Variants in GABRR2 observed in about 807,000 individuals in gnomAD.
The protein encoded by GABRR2 is gamma-aminobutyric acid type A receptor subunit rho2, also known as gamma-aminobutyric acid receptor subunit rho-2.
Under a neutral mutation model 47.0 loss-of-function variants are expected in GABRR2, and 36 were observed. The observed-to-expected ratio is 0.77, with a 90% CI of 0.59 to 1.01. GABRR2 has a LOEUF of 1.01. Ranked by LOEUF, GABRR2 falls within the 50% of genes least tolerant of loss-of-function variation. GABRR2 has a pLI of 0.00. For missense variants in GABRR2, 587 were observed against 594.6 expected, an observed-to-expected ratio of 0.99 and a Z score of 0.13; for synonymous variants, 204 against 227.5, an observed-to-expected ratio of 0.90 and a Z score of 0.93.
At chr6:89,303,312 GTC>G (rs1184334262) in intron 1 of GABRR2, among the ~76,000 whole-genome samples, 1 of 152,030 alleles carries the variant, frequency 6.6e-6, no homozygotes, top group Non-Finnish European at 1.5e-5. Context: ...TGCTGCTCCT[GTC>G]TCTGTCTTAT....
intron 1 of GABRR2, among the ~76,000 whole-genome samples, chr6:89,306,385 G>A (rs1767560174): frequency 6.6e-6 from 1 of 152,108 alleles, no homozygotes; most frequent in Non-Finnish European, 1.5e-5. Flanking sequence ...TTCTCGTGAT[G>A]TTATAAGAAT....
intron 1 of GABRR2, 105 bp downstream of exon 1, chr6:89,314,948 G>T: frequency 1.1e-6 from 1 of 942,514 alleles, no homozygotes; most frequent in Non-Finnish European, 1.6e-6. Flanking sequence ...TTCTCATAGG[G>T]CGATATCTCA....
chr6:89,303,469 C>T (rs368080872), intron 1 of GABRR2, among the ~76,000 whole-genome samples: 1 of 151,818 alleles, frequency 6.6e-6, no homozygotes, highest in South Asian at 2.1e-4. Context: ...ACATTTCATG[C>T]TCATGGATAG....
At chr6:89,313,349 G>A (rs2127853134) in intron 1 of GABRR2, among the ~76,000 whole-genome samples, 1 of 152,278 alleles carries the variant, frequency 6.6e-6, no homozygotes, top group South Asian at 2.1e-4. Context: ...GCATAACAAA[G>A]GTTCTAAAAG....
intron 2 of GABRR2, among the ~76,000 whole-genome samples, chr6:89,273,529 C>G (rs545212352): frequency 2.0e-5 from 3 of 152,232 alleles, no homozygotes; most frequent in Non-Finnish European, 4.4e-5. Context: ...GCCACCGCAC[C>G]GGCCTGCATT....
intron 1 of GABRR2, among the ~76,000 whole-genome samples, chr6:89,314,092 T>C (rs12193280): frequency 0.2 from 29,991 of 151,444 alleles, 3,035 homozygotes; most frequent in Middle Eastern, 0.28. Context: ...AGCACATGTA[T>C]GTGATTTGTA....
intron 1 of GABRR2, among the ~76,000 whole-genome samples, chr6:89,300,807 T>C (rs1339166695): frequency 7.0e-6 from 1 of 143,460 alleles, no homozygotes; most frequent in Non-Finnish European, 1.5e-5. Flanking sequence ...TTCTACCAGA[T>C]GTACAAAGAA....
Position 89,264,471 on chromosome 6 carries a change from C to A in GABRR2, c.1027G>T (p.Ala343Ser). 1 of 1,613,958 alleles carries A rather than the reference C, an allele frequency of 6.2e-7. No homozygotes were observed. The highest frequency in any genetic ancestry group is 8.5e-7 in the Non-Finnish European group (1 of 1,179,986). Residue 343 changes from alanine to serine, a missense_variant, in exon 8 of 9, where the codon GCG becomes TCG. Coordinates refer to ENST00000402938, the MANE Select transcript of GABRR2 (RefSeq NM_002043.5). ...ACGGTGGTCAGGTAGTTGACAGCCG[C>A]ATACTCCAGCACCGAGAGGAACACG... ...VFVFLSVLEY[A>S]AVNYLTTVQE...
intron 1 of GABRR2, among the ~76,000 whole-genome samples, chr6:89,310,302 G>C (rs1037123246): frequency 6.6e-6 from 1 of 152,134 alleles, no homozygotes; most frequent in Non-Finnish European, 1.5e-5. Flanking sequence ...TCCTACAGGT[G>C]CTCTTGCTGA....
chr6:89,300,981 A>C (rs1767413784), intron 1 of GABRR2, among the ~76,000 whole-genome samples: 1 of 152,200 alleles, frequency 6.6e-6, no homozygotes, highest in African/African-American at 2.4e-5. Flanking sequence ...CATTGAGGCA[A>C]ACAATCCTCA....
At chr6:89,290,389 C>T (rs1774415754) in intron 2 of GABRR2, among the ~76,000 whole-genome samples, 1 of 152,236 alleles carries the variant, frequency 6.6e-6, no homozygotes. Context: ...TTGAAACAGC[C>T]ACCCTCAGCC....
At chr6:89,291,498 C>A (rs568193200) in intron 2 of GABRR2, among the ~76,000 whole-genome samples, 2 of 152,100 alleles carry the variant, frequency 1.3e-5, no homozygotes, top group South Asian at 4.2e-4. Context: ...TAGATATAAT[C>A]CAGCCACGTG....
intron 1 of GABRR2, among the ~76,000 whole-genome samples, chr6:89,303,913 T>G (rs796975437): frequency 6.6e-6 from 1 of 152,148 alleles, no homozygotes. Flanking sequence ...TGCAGAAGAT[T>G]GAAATTGGAC....
intron 1 of GABRR2, among the ~76,000 whole-genome samples, chr6:89,300,283 G>T (rs1774643592): frequency 6.6e-6 from 1 of 152,162 alleles, no homozygotes; most frequent in African/African-American, 2.4e-5. Context: ...GCTGAGGTGG[G>T]CAGATTGCTT....
At chr6:89,270,605 G>C (rs1294644494) in intron 3 of GABRR2, 3 of 152,220 alleles carry the variant, frequency 2.0e-5, no homozygotes, top group South Asian at 2.1e-4. Flanking sequence ...ATTTTACCAG[G>C]TGCTGGAGCT....
intron 2 of GABRR2, among the ~76,000 whole-genome samples, chr6:89,293,649 C>T (rs1400344502): frequency 3.3e-5 from 5 of 152,220 alleles, no homozygotes; most frequent in South Asian, 4.2e-4. Flanking sequence ...TAGCCAGGCA[C>T]GTTGGTGCAC....
At chr6:89,268,891 G>T in intron 4 of GABRR2, 120 bp downstream of exon 4, 1 of 788,308 alleles carries the variant, frequency 1.3e-6, no homozygotes, top group Non-Finnish European at 2.1e-6. Flanking sequence ...AGCATCAGAA[G>T]GCTCCTCCCA....
In GABRR2 at chr6:89,257,939, G is replaced by A. The variant is rs1450737105; in HGVS notation, c.1129C>T (p.Leu377=). The stretch of plus-strand genomic sequence containing the variant: ...TCAGACTCACTGTAGCTTCCATCCA[G>A]CATCATGGTTTTTGAATGAAGCATT... ...CGMLHSKTMM[L]DGSYSESEAN... is the part of the protein sequence containing the mutation. The change falls in exon 9 of 9, where the codon CTG becomes TTG. Residue 377 remains leucine, a synonymous_variant. Coordinates refer to ENST00000402938, the MANE Select transcript of GABRR2 (RefSeq NM_002043.5). 1.2e-6 allele frequency: 2 copies of A among 1,613,832 alleles called. No homozygotes were observed. The highest frequency in any genetic ancestry group is 1.7e-6 in the Non-Finnish European group (2 of 1,179,832).
intron 2 of GABRR2, among the ~76,000 whole-genome samples, chr6:89,273,708 T>G (rs1218003482): frequency 6.6e-6 from 1 of 152,198 alleles, no homozygotes; most frequent in Non-Finnish European, 1.5e-5. Flanking sequence ...TGTCTCCTAG[T>G]ACCTAGATCC....
Sources: gnomAD v4.1 joint callset for allele counts (sites outside exome capture counted in the v4.1 genomes callset) on GRCh38, gnomAD v4.1.1 for gene constraint, MANE v1.5 for transcripts, NCBI Gene and HGNC (gene_info 2026-07-23, HGNC 2026-07-21) for gene names.